MARCHF1: variants seen among roughly 807,000 people sequenced by gnomAD.
MARCHF1 encodes the protein membrane associated ring-CH-type finger 1.
Under a neutral mutation model 54.2 loss-of-function variants are expected in MARCHF1, and 40 were observed. That is an observed-to-expected ratio of 0.74 (90% CI 0.57 to 0.96). The LOEUF (loss-of-function observed/expected upper bound fraction) is 0.96, where lower values mean the gene tolerates loss of function less well. MARCHF1 is among the 40% of genes least tolerant of loss of function. The pLI is 0.00. For missense variants in MARCHF1, 586 were observed against 656.5 expected (o/e 0.89, Z 1.17); for synonymous variants, 236 against 236.3 (o/e 1.00, Z 0.01).
intron 8 of MARCHF1, among the ~76,000 whole-genome samples, chr4:163,546,326 CA>C (rs1257188517): frequency 6.6e-6 from 1 of 152,162 alleles, no homozygotes; most frequent in Non-Finnish European, 1.5e-5. Context: ...TTCTATTCTC[CA>C]AATGAATTAA....
At chr4:164,084,706 G>A (rs1241383395) in intron 2 of MARCHF1, among the ~76,000 whole-genome samples, 1 of 136,988 alleles carries the variant, frequency 7.3e-6, no homozygotes, top group African/African-American at 2.6e-5. Context: ...ATTCAACTAA[G>A]AAACACTGCA....
intron 1 of MARCHF1, among the ~76,000 whole-genome samples, chr4:164,137,337 G>A (rs1010657834): frequency 3.3e-5 from 5 of 152,102 alleles, no homozygotes; most frequent in African/African-American, 9.7e-5. Flanking sequence ...ATGTCAAAAG[G>A]AGAACTAATC....
chr4:163,606,525 G>C (rs914151335), intron 7 of MARCHF1, among the ~76,000 whole-genome samples: 21 of 151,998 alleles, frequency 1.4e-4, no homozygotes, highest in Non-Finnish European at 2.9e-5. Context: ...GACCAGACTA[G>C]CTTAGAAAAC....
At chr4:163,777,353 A>G (rs549433557) in intron 4 of MARCHF1, among the ~76,000 whole-genome samples, 2 of 152,318 alleles carry the variant, frequency 1.3e-5, no homozygotes, top group East Asian at 3.9e-4. Context: ...AAAACACAGC[A>G]TAAAGTTACA....
chr4:163,614,088 A>G (rs1741438332), intron 5 of MARCHF1, among the ~76,000 whole-genome samples: 1 of 152,138 alleles, frequency 6.6e-6, no homozygotes, highest in South Asian at 2.1e-4. Flanking sequence ...ATTTGACTTT[A>G]ACCTGTTGTA....
At chr4:163,627,699 T>A (rs946942617) in intron 5 of MARCHF1, among the ~76,000 whole-genome samples, 2 of 151,922 alleles carry the variant, frequency 1.3e-5, no homozygotes, top group Non-Finnish European at 2.9e-5. Flanking sequence ...ACCCTAAAAA[T>A]TTAATTTATA....
chr4:164,257,844 CT>C, intron 1 of MARCHF1, among the ~76,000 whole-genome samples: 1 of 152,120 alleles, frequency 6.6e-6, no homozygotes, highest in East Asian at 1.9e-4. Flanking sequence ...TGGCAGGTGC[CT>C]GTAGTCCCAG....
At chr4:164,091,434 A>ATATATATATATATATAT (rs56887424) in intron 2 of MARCHF1, among the ~76,000 whole-genome samples, 9 of 147,056 alleles carry the variant, frequency 6.1e-5, no homozygotes, top group African/African-American at 1.7e-4. Flanking sequence ...ATATATGTAT[A>ATATATATATATATATAT]AAATGAATTG....
chr4:164,106,505 C>G (rs866231369), intron 2 of MARCHF1, among the ~76,000 whole-genome samples: 498 of 126,808 alleles, frequency 3.9e-3, no homozygotes, highest in African/African-American at 0.015. Flanking sequence ...TCTCAGTAAA[C>G]TATCGCAAGA....
At chr4:163,787,640 G>T (rs1040970298) in intron 4 of MARCHF1, among the ~76,000 whole-genome samples, 1 of 151,874 alleles carries the variant, frequency 6.6e-6, no homozygotes, top group Non-Finnish European at 1.5e-5. Context: ...GTAAAATGGT[G>T]CAGTCACTAT....
At chr4:164,132,659 C>T (rs1288276678) in intron 1 of MARCHF1, among the ~76,000 whole-genome samples, 3 of 152,052 alleles carry the variant, frequency 2.0e-5, no homozygotes, top group East Asian at 1.9e-4. Context: ...CACTGACCAT[C>T]GACATAATGG....
intron 2 of MARCHF1, among the ~76,000 whole-genome samples, chr4:164,020,256 G>A (rs548590774): frequency 1.3e-5 from 2 of 152,246 alleles, no homozygotes; most frequent in Admixed American, 1.3e-4. Flanking sequence ...TTTGTCTAGA[G>A]CTGGCAGTTG....
intron 4 of MARCHF1, among the ~76,000 whole-genome samples, chr4:163,811,330 G>T (rs1908291): frequency 7.9e-5 from 12 of 152,114 alleles, no homozygotes; most frequent in African/African-American, 2.7e-4. Context: ...TTTGGTGATA[G>T]CTTAACTGCC....
At chr4:163,942,342 G>T (rs1442875471) in intron 3 of MARCHF1, among the ~76,000 whole-genome samples, 1 of 152,120 alleles carries the variant, frequency 6.6e-6, no homozygotes, top group African/African-American at 2.4e-5. Flanking sequence ...ATACCCTTCT[G>T]GGTAAGAGCA....
intron 1 of MARCHF1, among the ~76,000 whole-genome samples, chr4:164,152,803 A>G (rs1729976341): frequency 6.6e-6 from 1 of 152,132 alleles, no homozygotes; most frequent in African/African-American, 2.4e-5. Context: ...ATTCCTTTCT[A>G]TCAATCCTAG....
intron 7 of MARCHF1, among the ~76,000 whole-genome samples, chr4:163,598,419 G>A (rs1740841637): frequency 1.3e-5 from 2 of 152,182 alleles, no homozygotes; most frequent in Non-Finnish European, 2.9e-5. Context: ...TCTGAGAAAT[G>A]CCTTGTTAGA....
intron 5 of MARCHF1, among the ~76,000 whole-genome samples, chr4:163,651,055 G>C (rs551699067): frequency 3.3e-5 from 5 of 152,024 alleles, no homozygotes; most frequent in South Asian, 2.1e-4. Context: ...ACACTTATCA[G>C]AGTAAGAACT....
At chr4:163,821,520 G>A (rs1748692467) in intron 4 of MARCHF1, among the ~76,000 whole-genome samples, 1 of 151,884 alleles carries the variant, frequency 6.6e-6, no homozygotes, top group Admixed American at 6.6e-5. Flanking sequence ...CTAACACTAT[G>A]AGGCAAATTA....
At chr4:164,207,268 T>G (rs890024281) in intron 1 of MARCHF1, among the ~76,000 whole-genome samples, 1 of 152,230 alleles carries the variant, frequency 6.6e-6, no homozygotes, top group Non-Finnish European at 1.5e-5. Flanking sequence ...CACTGCCAAT[T>G]TGGAAATGTT....
Sources: gnomAD v4.1 joint callset for allele counts (sites outside exome capture counted in the v4.1 genomes callset) on GRCh38, gnomAD v4.1.1 for gene constraint, MANE v1.5 for transcripts, NCBI Gene and HGNC (gene_info 2026-07-23, HGNC 2026-07-21) for gene names.